The following SHC4 variants were observed in gnomAD, a reference collection of about 807,000 sequenced individuals.
SHC4 encodes the protein SHC adaptor protein 4, also known as SHC-transforming protein 4.
SHC4 carries 41 observed loss-of-function variants against 69.4 expected under a neutral mutation model. The ratio of observed to expected loss-of-function variants is 0.59; its 90% CI spans 0.46 to 0.77. The LOEUF (loss-of-function observed/expected upper bound fraction) is 0.77, where lower values mean the gene tolerates loss of function less well. SHC4 is among the 30% of genes least tolerant of loss of function. The pLI, the probability that SHC4 is intolerant of heterozygous loss-of-function variation, is 0.00. For missense variants in SHC4, 777 were observed against 783.8 expected, an observed-to-expected ratio of 0.99 and a Z score of 0.10; for synonymous variants, 318 against 299.3, an observed-to-expected ratio of 1.06 and a Z score of -0.64.
At chr15:48,940,128 TC>T (rs1901148263) in intron 1 of SHC4, among the ~76,000 whole-genome samples, 2 of 152,192 alleles carry the variant, frequency 1.3e-5, no homozygotes, top group South Asian at 4.1e-4. Flanking sequence ...ATATCCACCA[TC>T]AAGTTGGTTA....
At chr15:48,894,636 A>T (rs1398459194) in intron 2 of SHC4, among the ~76,000 whole-genome samples, 2 of 152,112 alleles carry the variant, frequency 1.3e-5, no homozygotes, top group African/African-American at 2.4e-5. Context: ...CAGTTTTTTA[A>T]GTAGAGTTAC....
rs1179285875 is a variant in SHC4, at chr15:48,905,993, G to A, written c.657-15182C>T. Among the ~76,000 whole-genome samples the A allele has an allele frequency of 2.6e-5, 4 of 152,088 alleles. No homozygotes were observed. In the East Asian group the frequency reaches 7.7e-4, roughly 29 times the overall value. ...TTTCCATGGAAAAGATGCTATAATT[G>A]GGAGTTTCATTCCTGACCAAGGACT... On this transcript the variant is annotated intron_variant, in intron 2 of 11. Transcript: ENST00000332408.
intron 2 of SHC4, among the ~76,000 whole-genome samples, chr15:48,912,216 C>G (rs1393746998): frequency 6.6e-6 from 1 of 152,138 alleles, no homozygotes; most frequent in African/African-American, 2.4e-5. Context: ...CTCAGGAACA[C>G]CAATTATTCT....
intron 1 of SHC4, among the ~76,000 whole-genome samples, chr15:48,956,515 C>A (rs1901456328): frequency 6.6e-6 from 1 of 152,146 alleles, no homozygotes; most frequent in African/African-American, 2.4e-5. Flanking sequence ...ACCTAGCTGG[C>A]CAGACACATG....
chr15:48,829,783 G>C (rs1480438720), intron 11 of SHC4, among the ~76,000 whole-genome samples: 1 of 152,182 alleles, frequency 6.6e-6, no homozygotes, highest in Non-Finnish European at 1.5e-5. Context: ...GCTGGGCATG[G>C]TGGCGCACCC....
intron 4 of SHC4, chr15:48,877,609 A>G (rs1333709687): frequency 3.4e-5 from 33 of 971,510 alleles, no homozygotes; most frequent in Non-Finnish European, 4.0e-5. Flanking sequence ...GGCGAAAAGA[A>G]ATGGGACCAA....
chr15:48,923,101 C>T (rs912820146), intron 2 of SHC4, among the ~76,000 whole-genome samples: 1 of 152,104 alleles, frequency 6.6e-6, no homozygotes, highest in African/African-American at 2.4e-5. Context: ...AGAGGAAATA[C>T]CAAGGATAGA....
At chr15:48,943,205 A>G (rs1432835156) in intron 1 of SHC4, among the ~76,000 whole-genome samples, 1 of 152,088 alleles carries the variant, frequency 6.6e-6, no homozygotes, top group Non-Finnish European at 1.5e-5. Flanking sequence ...CTCTAGACCT[A>G]TTCATCCCAT....
intron 1 of SHC4, among the ~76,000 whole-genome samples, chr15:48,935,035 C>A (rs575803341): frequency 7.4e-4 from 113 of 152,216 alleles, no homozygotes; most frequent in African/African-American, 2.6e-3. Context: ...TATTAAAAAA[C>A]CATTGAATTG....
intron 6 of SHC4, among the ~76,000 whole-genome samples, chr15:48,862,534 G>A (rs1300799493): frequency 6.6e-6 from 1 of 152,166 alleles, no homozygotes; most frequent in Non-Finnish European, 1.5e-5. Flanking sequence ...AATGCTAAAA[G>A]CGAATCAAGC....
At chr15:48,933,787 GT>G (rs1901016399) in intron 1 of SHC4, among the ~76,000 whole-genome samples, 1 of 152,086 alleles carries the variant, frequency 6.6e-6, no homozygotes, top group Admixed American at 6.6e-5. Flanking sequence ...GAGTCCAAAA[GT>G]AAACCCCTGC....
At chr15:48,828,427 C>A (rs1898731106) in intron 11 of SHC4, among the ~76,000 whole-genome samples, 1 of 152,014 alleles carries the variant, frequency 6.6e-6, no homozygotes, top group Non-Finnish European at 1.5e-5. Flanking sequence ...TAGTTTTCAC[C>A]TCTTGACTAT....
intron 2 of SHC4, among the ~76,000 whole-genome samples, chr15:48,912,040 G>A (rs193299618): frequency 7.8e-4 from 118 of 152,152 alleles, no homozygotes; most frequent in African/African-American, 2.6e-3. Context: ...TCTTTCCTTC[G>A]TCTTAACTTT....
chr15:48,904,627 C>T (rs1264195980), intron 2 of SHC4, among the ~76,000 whole-genome samples: 2 of 152,126 alleles, frequency 1.3e-5, no homozygotes, highest in African/African-American at 4.8e-5. Context: ...CCTGTAATCC[C>T]AGCACTTTGG....
chr15:48,825,987 A>C lies in SHC4; in HGVS notation c.1877T>G (p.Leu626Trp), dbSNP rs1898680657. Residue 626 changes from leucine to tryptophan, a missense_variant, in exon 12 of 12, where the codon TTG becomes TGG. Coordinates refer to ENST00000332408, the MANE Select transcript of SHC4 (RefSeq NM_203349.4). Reference sequence around the variant, plus strand: ...TCAATACTGTCATTTGTTGGAATGCAAAAGTGCTGGATTATTATCTTTTCT... The same window carrying C: ...TCAATACTGTCATTTGTTGGAATGCCAAAGTGCTGGATTATTATCTTTTCT... ...PVRKDNNPAL[L>W]HSNK 3.1e-6 allele frequency: 5 copies of C among 1,613,540 alleles called. No homozygotes were observed. In the East Asian group the frequency reaches 1.1e-4, roughly 36 times the overall value.
chr15:48,923,168 C>T (rs755868174), intron 2 of SHC4, among the ~76,000 whole-genome samples: 17 of 152,200 alleles, frequency 1.1e-4, no homozygotes, highest in Non-Finnish European at 1.8e-4. Context: ...GAGTCTCAAT[C>T]AGCATTTCCT....
chr15:48,954,649 A>G (rs1901413895), intron 1 of SHC4, among the ~76,000 whole-genome samples: 1 of 152,238 alleles, frequency 6.6e-6, no homozygotes. Flanking sequence ...CCTGGTGAGC[A>G]GCACAAGGCA....
In SHC4 at chr15:48,952,599, A is replaced by G. The variant is rs59125535; in HGVS notation, c.585+9832T>C. Among the ~76,000 whole-genome samples, 173 of 152,334 alleles carry G rather than the reference A, an allele frequency of 1.1e-3. 1 individual carries two copies. The East Asian group carries it at 0.033, about 29-fold the overall frequency. On this transcript the variant is annotated intron_variant, in intron 1 of 11. Coordinates refer to ENST00000332408, the MANE Select transcript of SHC4 (RefSeq NM_203349.4). ...AACAAATTTACAAGAAAAAAAACCC[A>G]TTGAAAAATGGGCAAAGGACATGAA... is the stretch of plus-strand genomic sequence containing the variant.
At chr15:48,955,191 T>A (rs766138493) in intron 1 of SHC4, among the ~76,000 whole-genome samples, 7 of 152,178 alleles carry the variant, frequency 4.6e-5, no homozygotes, top group Non-Finnish European at 1.0e-4. Flanking sequence ...ATTCTAAGCT[T>A]CTTTCCCACA....
Sources: gnomAD v4.1 joint callset for allele counts (sites outside exome capture counted in the v4.1 genomes callset) on GRCh38, gnomAD v4.1.1 for gene constraint, MANE v1.5 for transcripts, NCBI Gene and HGNC (gene_info 2026-07-23, HGNC 2026-07-21) for gene names.